ROBO2: variants seen among roughly 807,000 people sequenced by gnomAD.
ROBO2 encodes the protein roundabout guidance receptor 2, also known as roundabout homolog 2.
A neutral mutation model predicts 160.8 loss-of-function variants in ROBO2; 53 were observed. That is an observed-to-expected ratio of 0.33 (90% CI 0.26 to 0.41). ROBO2 has a LOEUF of 0.41. ROBO2 is among the 10% of genes least tolerant of loss of function. ROBO2 has a pLI of 1.00. For synonymous variants in ROBO2, 664 were observed against 611.7 expected, an observed-to-expected ratio of 1.09 and a Z score of -1.26; for missense variants, 1,577 against 1,722.4, an observed-to-expected ratio of 0.92 and a Z score of 1.49.
At chr3:75,911,334 A>G (rs1946572322) in intron 1 of ROBO2, among the ~76,000 whole-genome samples, 1 of 152,160 alleles carries the variant, frequency 6.6e-6, no homozygotes, top group Non-Finnish European at 1.5e-5. Flanking sequence ...TGAGCTTGAA[A>G]ACAAATGGTA....
intron 8 of ROBO2, among the ~76,000 whole-genome samples, chr3:77,551,515 T>G (rs1343291927): frequency 1.3e-5 from 2 of 152,054 alleles, no homozygotes; most frequent in Non-Finnish European, 2.9e-5. Flanking sequence ...ATATGCACTT[T>G]GAATCTTAAC....
intron 2 of ROBO2, among the ~76,000 whole-genome samples, chr3:76,000,826 A>G (rs2065865803): frequency 1.3e-5 from 2 of 152,010 alleles, no homozygotes; most frequent in African/African-American, 4.8e-5. Flanking sequence ...TACAACCTAA[A>G]TTTTAGCATG....
At chr3:76,968,183 C>T (rs529137117) in intron 2 of ROBO2, among the ~76,000 whole-genome samples, 1 of 152,196 alleles carries the variant, frequency 6.6e-6, no homozygotes, top group African/African-American at 2.4e-5. Flanking sequence ...GAGAGGGAAT[C>T]TATCCATTGG....
At chr3:76,994,032 C>A (rs1254109324) in intron 2 of ROBO2, among the ~76,000 whole-genome samples, 1 of 151,762 alleles carries the variant, frequency 6.6e-6, no homozygotes, top group Non-Finnish European at 1.5e-5. Context: ...GAGGATCACA[C>A]ATTCTGAGTT....
At chr3:76,771,152 T>C (rs888738186) in intron 2 of ROBO2, among the ~76,000 whole-genome samples, 1 of 151,226 alleles carries the variant, frequency 6.6e-6, no homozygotes, top group African/African-American at 2.4e-5. Flanking sequence ...CTACTACCCA[T>C]ATGTACAATT....
At chr3:76,367,114 A>G (rs1466029690) in intron 2 of ROBO2, among the ~76,000 whole-genome samples, 4 of 152,032 alleles carry the variant, frequency 2.6e-5, no homozygotes, top group African/African-American at 9.7e-5. Context: ...ACTGCCTTTT[A>G]TCTTAGAAGA....
chr3:77,142,860 G>A (rs183741681), intron 2 of ROBO2, among the ~76,000 whole-genome samples: 1 of 152,288 alleles, frequency 6.6e-6, no homozygotes, highest in Non-Finnish European at 1.5e-5. Flanking sequence ...TCAATGCAAT[G>A]CAGCGACCTG....
intron 2 of ROBO2, among the ~76,000 whole-genome samples, chr3:77,135,019 C>T (rs1374657663): frequency 6.6e-6 from 1 of 152,156 alleles, no homozygotes; most frequent in Non-Finnish European, 1.5e-5. Flanking sequence ...GAGATGACGC[C>T]GTGTCATTAA....
intron 2 of ROBO2, among the ~76,000 whole-genome samples, chr3:77,019,385 C>T (rs2062483972): frequency 6.6e-6 from 1 of 152,138 alleles, no homozygotes; most frequent in Admixed American, 6.5e-5. Flanking sequence ...AGGACATCAT[C>T]ATCCCCCAAA....
intron 2 of ROBO2, among the ~76,000 whole-genome samples, chr3:77,134,921 T>C (rs2076154111): frequency 6.6e-6 from 1 of 152,212 alleles, no homozygotes; most frequent in Admixed American, 6.5e-5. Flanking sequence ...ATAAATATGG[T>C]ATCTGCCGTT....
At position 76,230,546 on chromosome 3, in the gene ROBO2, T is replaced by A. The variant is rs1219771100; in HGVS notation, c.109+292944T>A. 2.6e-5 allele frequency among the ~76,000 whole-genome samples: 4 copies of A among 152,066 alleles called. 1 individual carries two copies. The highest frequency in any genetic ancestry group is 2.6e-4 in the Admixed American group (4 of 15,262). ...CATTCTCCTCTTCTGCGTTCCTCGG[T>A]ATACCCATGAATACTCTTTCCCTGG... On this transcript the variant is annotated intron_variant, in intron 2 of 26. Coordinates refer to the ROBO2 transcript ENST00000487694.
chr3:75,972,531 G>A (rs376030733), intron 2 of ROBO2, among the ~76,000 whole-genome samples: 51 of 151,620 alleles, frequency 3.4e-4, no homozygotes, highest in African/African-American at 1.2e-3. Context: ...TCTTATATAA[G>A]CAACTTCTAA....
intron 2 of ROBO2, among the ~76,000 whole-genome samples, chr3:76,523,949 AG>A (rs768904884): frequency 4.0e-5 from 6 of 150,774 alleles, no homozygotes; most frequent in Non-Finnish European, 7.4e-5. Flanking sequence ...GAAAATGGGG[AG>A]GAAGTGGTAA....
intron 2 of ROBO2, among the ~76,000 whole-genome samples, chr3:76,402,965 C>G (rs1321055658): frequency 6.6e-6 from 1 of 151,570 alleles, no homozygotes; most frequent in Non-Finnish European, 1.5e-5. Flanking sequence ...GAAATTCTGA[C>G]AGAATCTGAC....
intron 2 of ROBO2, among the ~76,000 whole-genome samples, chr3:77,403,405 C>T (rs1267203407): frequency 6.6e-6 from 1 of 152,136 alleles, no homozygotes; most frequent in African/African-American, 2.4e-5. Context: ...CCATTCTACT[C>T]TCTGCATCTA....
intron 2 of ROBO2, among the ~76,000 whole-genome samples, chr3:76,792,725 AAAC>A (rs1163209093): frequency 4.0e-5 from 6 of 151,740 alleles, no homozygotes; most frequent in East Asian, 3.9e-4. Flanking sequence ...AAAAAGCAAA[AAAC>A]AACAACAACA....
At chr3:75,919,759 T>C (rs1017926878) in intron 1 of ROBO2, among the ~76,000 whole-genome samples, 1 of 152,172 alleles carries the variant, frequency 6.6e-6, no homozygotes, top group Non-Finnish European at 1.5e-5. Flanking sequence ...CCTGGTTTAG[T>C]CTTGGGAGGC....
chr3:75,933,492 C>G (rs1254783304), intron 1 of ROBO2, among the ~76,000 whole-genome samples: 1 of 151,680 alleles, frequency 6.6e-6, no homozygotes, highest in East Asian at 1.9e-4. Flanking sequence ...GCAATACTTG[C>G]AGGGAAGCTT....
rs572584748 is a variant in ROBO2 at position 76,915,409 on chromosome 3, C to T, written c.110-182605C>T. The stretch of plus-strand genomic sequence containing the variant: ...GGTGCGGTGGCTCACACCTGTAATC[C>T]CAGCACTTTGGGAGGCCAAGGCGGG... On this transcript the variant is annotated intron_variant, in intron 2 of 26. Coordinates refer to the ROBO2 transcript ENST00000487694. Among the ~76,000 whole-genome samples, 129 of 152,088 alleles carry T rather than the reference C, an allele frequency of 8.5e-4. 1 individual carries two copies. The South Asian group carries it at 0.011, about 13-fold the overall frequency.
Sources: allele counts gnomAD v4.1 joint callset (sites outside exome capture counted in the v4.1 genomes callset), GRCh38; gene constraint gnomAD v4.1.1; transcripts MANE v1.5; gene names NCBI Gene and HGNC (gene_info 2026-07-23, HGNC 2026-07-21).